SLC24A2: variants seen among roughly 807,000 people sequenced by gnomAD.
The protein encoded by SLC24A2 is solute carrier family 24 member 2.
SLC24A2 carries 36 observed loss-of-function variants against 62.0 expected under a neutral mutation model. The ratio of observed to expected loss-of-function variants is 0.58; its 90% CI spans 0.44 to 0.77. SLC24A2 has a LOEUF of 0.77. Ranked by LOEUF, SLC24A2 falls within the 30% of genes least tolerant of loss-of-function variation. The pLI, the probability that SLC24A2 is intolerant of heterozygous loss-of-function variation, is 0.00. For missense variants in SLC24A2, 846 were observed against 817.9 expected (o/e 1.03, Z -0.42); for synonymous variants, 358 against 294.0 (o/e 1.22, Z -2.23).
the SLC24A2 span, among the ~76,000 whole-genome samples, chr9:20,084,443 C>G: frequency 1.3e-5 from 2 of 151,868 alleles, no homozygotes; most frequent in African/African-American, 4.8e-5. Flanking sequence ...TTCTTCCTTT[C>G]TTCCTTCCTT....
chr9:19,858,837 G>C, the SLC24A2 span, among the ~76,000 whole-genome samples: 8 of 152,102 alleles, frequency 5.3e-5, no homozygotes, highest in African/African-American at 7.2e-5. Context: ...TTATTAAAAA[G>C]TCAAAAAATA....
the SLC24A2 span, among the ~76,000 whole-genome samples, chr9:19,954,447 G>T: frequency 6.6e-6 from 1 of 151,864 alleles, no homozygotes; most frequent in Non-Finnish European, 1.5e-5. Context: ...GGTACCAATA[G>T]TAATTGGGAA....
At chr9:19,763,670 T>C (rs1453671283) in intron 2 of SLC24A2, among the ~76,000 whole-genome samples, 2 of 152,218 alleles carry the variant, frequency 1.3e-5, no homozygotes, top group African/African-American at 4.8e-5. Context: ...GCTGACTTGA[T>C]CATGGTGGAT....
At chr9:19,748,018 C>A (rs1018081840) in intron 2 of SLC24A2, among the ~76,000 whole-genome samples, 3 of 152,186 alleles carry the variant, frequency 2.0e-5, no homozygotes, top group Admixed American at 6.5e-5. Flanking sequence ...AGGGCTGACA[C>A]TCAGTTGCCT....
At chr9:20,224,784 C>A in the SLC24A2 span, among the ~76,000 whole-genome samples, 1 of 152,008 alleles carries the variant, frequency 6.6e-6, no homozygotes, top group African/African-American at 2.4e-5. Context: ...GGGGCCCTGC[C>A]CAGATCATTT....
chr9:20,098,732 A>G, the SLC24A2 span, among the ~76,000 whole-genome samples: 55 of 152,358 alleles, frequency 3.6e-4, no homozygotes, highest in Admixed American at 3.5e-3. Context: ...TGGAGAATCC[A>G]TGTTTCACTT....
chr9:19,877,766 C>G, the SLC24A2 span, among the ~76,000 whole-genome samples: 2 of 152,020 alleles, frequency 1.3e-5, no homozygotes, highest in African/African-American at 4.8e-5. Flanking sequence ...TATTTGGATT[C>G]TTGCTTTGGA....
At chr9:20,008,337 G>A in the SLC24A2 span, among the ~76,000 whole-genome samples, 2 of 152,110 alleles carry the variant, frequency 1.3e-5, no homozygotes, top group Non-Finnish European at 2.9e-5. Context: ...GTCTACAGAG[G>A]TGTCTTTGGA....
the SLC24A2 span, among the ~76,000 whole-genome samples, chr9:19,858,652 TA>T: frequency 6.6e-6 from 1 of 152,094 alleles, no homozygotes; most frequent in African/African-American, 2.4e-5. Flanking sequence ...AATGAATTTA[TA>T]AGCAAAAATC....
At chr9:19,984,200 A>G in the SLC24A2 span, among the ~76,000 whole-genome samples, 3 of 152,224 alleles carry the variant, frequency 2.0e-5, no homozygotes, top group African/African-American at 7.2e-5. Context: ...AATCTCTATC[A>G]AAATTCCAAT....
At chr9:20,228,904 G>A in the SLC24A2 span, among the ~76,000 whole-genome samples, 1 of 152,104 alleles carries the variant, frequency 6.6e-6, no homozygotes, top group Non-Finnish European at 1.5e-5. Flanking sequence ...GGTGGTGGCT[G>A]GAGGATGCAG....
chr9:20,144,274 G>A, the SLC24A2 span, among the ~76,000 whole-genome samples: 2 of 152,148 alleles, frequency 1.3e-5, no homozygotes, highest in East Asian at 3.9e-4. Context: ...AATGTAAACT[G>A]TACAATAATT....
chr9:19,898,082 A>T, the SLC24A2 span, among the ~76,000 whole-genome samples: 1 of 152,178 alleles, frequency 6.6e-6, no homozygotes, highest in African/African-American at 2.4e-5. Context: ...AGGGAATCAG[A>T]GGGTCATAGA....
At chr9:19,878,827 G>A in the SLC24A2 span, among the ~76,000 whole-genome samples, 1 of 152,064 alleles carries the variant, frequency 6.6e-6, no homozygotes, top group Non-Finnish European at 1.5e-5. Context: ...CCCAGTTTCA[G>A]GTATTTCTCT....
chr9:20,215,190 G>T, the SLC24A2 span, among the ~76,000 whole-genome samples: 1 of 152,216 alleles, frequency 6.6e-6, no homozygotes, highest in African/African-American at 2.4e-5. Context: ...GAAGGGGATA[G>T]CTAGCTCTCT....
chr9:19,922,813 T>TTGTA, the SLC24A2 span, among the ~76,000 whole-genome samples: 160 of 152,298 alleles, frequency 1.1e-3, 1 homozygote, highest in Middle Eastern at 0.01. Flanking sequence ...CTTGTACATG[T>TTGTA]CTGAGTCTCA....
the SLC24A2 span, among the ~76,000 whole-genome samples, chr9:19,891,910 A>C: frequency 1.3e-5 from 2 of 152,116 alleles, no homozygotes; most frequent in Admixed American, 6.5e-5. Flanking sequence ...AATATTGGGG[A>C]TCAAATTTTA....
At chr9:19,574,224 C>T (rs1192173434) in intron 6 of SLC24A2, among the ~76,000 whole-genome samples, 1 of 152,216 alleles carries the variant, frequency 6.6e-6, no homozygotes, top group Non-Finnish European at 1.5e-5. Context: ...CACACCTGAG[C>T]ATCCTACTGC....
the SLC24A2 span, chr9:19,967,912 A>G: frequency 6.6e-6 from 1 of 152,196 alleles, no homozygotes; most frequent in African/African-American, 2.4e-5. Context: ...CTTTCTGAGC[A>G]TCCTTGAAAA....
Sources: allele counts gnomAD v4.1 joint callset (sites outside exome capture counted in the v4.1 genomes callset), GRCh38; gene constraint gnomAD v4.1.1; transcripts MANE v1.5; gene names NCBI Gene and HGNC (gene_info 2026-07-23, HGNC 2026-07-21).